FRAS1: variants seen among roughly 807,000 people sequenced by gnomAD.
The protein encoded by FRAS1 is extracellular matrix organizing protein FRAS1.
In FRAS1, 290 loss-of-function variants were observed where a neutral mutation model predicts 435.2. The observed-to-expected ratio is 0.67, with a 90% confidence interval of 0.61 to 0.73. FRAS1 has a LOEUF of 0.73. Ranked by LOEUF, FRAS1 falls within the 30% of genes least tolerant of loss-of-function variation. FRAS1 has a pLI of 0.00. For missense variants in FRAS1, 4,860 were observed against 5,001.5 expected (o/e 0.97, Z 0.85); for synonymous variants, 1,800 against 1,851.0 (o/e 0.97, Z 0.71).
chr4:78,094,377 AC>A (rs1220091459), intron 2 of FRAS1, among the ~76,000 whole-genome samples: 1 of 152,028 alleles, frequency 6.6e-6, no homozygotes, highest in Non-Finnish European at 1.5e-5. Context: ...CAGGCAACAT[AC>A]TTTTTATTCC....
rs781553234 is a variant in FRAS1, at chr4:78,364,043, A to G, written c.2711A>G (p.His904Arg). The G allele has an allele frequency of 3.8e-6, 6 of 1,588,654 alleles. No homozygotes were observed. The highest frequency in any genetic ancestry group is 5.1e-6 in the Non-Finnish European group (6 of 1,166,834). The stretch of plus-strand genomic sequence containing the variant: ...CCTGGGCACTATCTTGATGACAATC[A>G]TGTTTGCCAGCGTAGGTTTTTCCAA... ...CFPGHYLDDN[H>R]VCQPCNTHCG... The change falls in exon 22 of 74, where the codon CAT becomes CGT. Residue 904 changes from histidine to arginine, a missense_variant. Coordinates refer to ENST00000512123, the MANE Select transcript of FRAS1 (RefSeq NM_025074.7).
chr4:78,125,167 C>T (rs1719272132), intron 2 of FRAS1, among the ~76,000 whole-genome samples: 1 of 152,142 alleles, frequency 6.6e-6, no homozygotes, highest in Non-Finnish European at 1.5e-5. Context: ...TAAATGTGTC[C>T]TAGTGATTTT....
At chr4:78,265,594 T>C (rs1176644809) in intron 7 of FRAS1, among the ~76,000 whole-genome samples, 1 of 152,168 alleles carries the variant, frequency 6.6e-6, no homozygotes, top group Non-Finnish European at 1.5e-5. Flanking sequence ...TCAAAAGTAC[T>C]ATTGGATAGC....
intron 2 of FRAS1, among the ~76,000 whole-genome samples, chr4:78,233,187 G>C (rs1724589356): frequency 6.6e-6 from 1 of 152,318 alleles, no homozygotes; most frequent in Non-Finnish European, 1.5e-5. Flanking sequence ...GTTGCATCTG[G>C]AGAGAATAAA....
chr4:78,503,460 G>A (rs1720739160), intron 61 of FRAS1, among the ~76,000 whole-genome samples: 1 of 152,138 alleles, frequency 6.6e-6, no homozygotes, highest in African/African-American at 2.4e-5. Context: ...ATGTGTCCAG[G>A]AATTTATTCA....
intron 24 of FRAS1, among the ~76,000 whole-genome samples, chr4:78,373,446 CTAATAATAATAATAATAATAATAA>C (rs3086797): frequency 7.2e-6 from 1 of 138,914 alleles, no homozygotes; most frequent in Non-Finnish European, 1.5e-5. Flanking sequence ...GAGCCAAGGA[CTAATAATAATAATAATAATAATAA>C]TAATAATAAT....
rs1207117256 is a variant in FRAS1, at chr4:78,109,523, G to C, written c.108+43507G>C. ...CCACATGATTATCTCAATAGATGCA[G>C]AAAAAGCCTTTGACAAAATTCAACA... On this transcript the variant is annotated intron_variant, in intron 2 of 73. Transcript: ENST00000512123. 2.0e-5 allele frequency among the ~76,000 whole-genome samples: 3 copies of C among 148,460 alleles called. No homozygotes were observed. In the East Asian group the frequency reaches 5.9e-4, roughly 29 times the overall value.
Position 78,065,081 on chromosome 4 carries a change from T to TATATATATATACACACACAC in FRAS1, c.77-901_77-900insTATATATACACACACACATA, listed in dbSNP as rs762909923. On this transcript the variant is annotated intron_variant, in intron 1 of 73. Coordinates refer to ENST00000512123, the MANE Select transcript of FRAS1 (RefSeq NM_025074.7). Reference sequence around the variant, plus strand: ...GTGTATATATATATATATATATATATATACATACACACACACACACTAAAT... The same window carrying TATATATATATACACACACAC: ...GTGTATATATATATATATATATATATATATATATATACACACACACATACATACACACACACACACTAAAT... Among the ~76,000 whole-genome samples the TATATATATATACACACACAC allele has an allele frequency of 6.3e-3, 796 of 125,644 alleles. 6 individuals are homozygous for TATATATATATACACACACAC. Among genetic ancestry groups the TATATATATATACACACACAC allele is most frequent in the Middle Eastern group, 0.022 (5 of 228 alleles). The allele number at this position is 125,644 out of a possible 152,430, so 82.4% of individuals were successfully genotyped here.
intron 26 of FRAS1, 145 bp downstream of exon 26, chr4:78,376,024 G>A (rs1731747316): frequency 2.3e-6 from 2 of 877,032 alleles, no homozygotes; most frequent in Non-Finnish European, 3.6e-6. Context: ...AAGGAGTAAG[G>A]GACTCTTTAT....
At chr4:78,250,855 A>G (rs1023135650) in intron 4 of FRAS1, among the ~76,000 whole-genome samples, 2 of 152,202 alleles carry the variant, frequency 1.3e-5, no homozygotes, top group Non-Finnish European at 2.9e-5. Flanking sequence ...TAATTTTATA[A>G]TTAGTATTTT....
intron 2 of FRAS1, among the ~76,000 whole-genome samples, chr4:78,193,459 A>T (rs906791183): frequency 6.6e-6 from 1 of 152,150 alleles, no homozygotes; most frequent in Admixed American, 6.5e-5. Flanking sequence ...GTGCTCCTGT[A>T]TTGGGTTCAT....
chr4:78,061,447 G>T (rs186252376), intron 1 of FRAS1, among the ~76,000 whole-genome samples: 56 of 152,284 alleles, frequency 3.7e-4, no homozygotes, highest in Admixed American at 3.1e-3. Flanking sequence ...CATTGAATTG[G>T]AGGTTAAGAG....
Position 78,452,200 on chromosome 4 carries a change from C to T in FRAS1, c.6609C>T (p.Thr2203=). 1.2e-6 allele frequency: 2 copies of T among 1,613,684 alleles called. No homozygotes were observed. The highest frequency in any genetic ancestry group is 8.5e-7 in the Non-Finnish European group (1 of 1,179,660). ...AAGACAAATCCCCACCAGTCATCAC[C>T]ACCAATAAAGGACTGGTCTTGGATG... is the stretch of plus-strand genomic sequence containing the variant. ...ILEDKSPPVI[T]TNKGLVLDEN... is the part of the protein sequence containing the mutation. Residue 2203 remains threonine (T), a synonymous_variant, in exon 47 of 74, where the codon ACC becomes ACT. Coordinates refer to ENST00000512123, the MANE Select transcript of FRAS1 (RefSeq NM_025074.7).
intron 18 of FRAS1, among the ~76,000 whole-genome samples, chr4:78,327,904 T>A (rs1729782190): frequency 6.6e-6 from 1 of 152,202 alleles, no homozygotes; most frequent in Non-Finnish European, 1.5e-5. Context: ...TTAACACCTG[T>A]ACTTGCAGAA....
chr4:78,320,997 C>T (rs747277931), intron 18 of FRAS1, among the ~76,000 whole-genome samples: 3 of 152,158 alleles, frequency 2.0e-5, no homozygotes, highest in African/African-American at 4.8e-5. Flanking sequence ...GACCACTCAG[C>T]GCAGTTAGGT....
intron 55 of FRAS1, 60 bp from the exon 56 acceptor site, chr4:78,479,314 G>T: frequency 4.2e-6 from 5 of 1,184,468 alleles, no homozygotes; most frequent in Non-Finnish European, 5.7e-6. Flanking sequence ...CTTACCAGAG[G>T]TTTTAAAATC....
In FRAS1 at chr4:78,522,769, C is replaced by G; in HGVS notation, c.10769C>G (p.Ser3590Cys). Reference sequence around the variant, plus strand: ...TTATGGAGCGCTCAGACTTTTGATTCTCCACATCAACTCTGGAGAGCCACA... The same window carrying G: ...TTATGGAGCGCTCAGACTTTTGATTGTCCACATCAACTCTGGAGAGCCACA... The part of the protein sequence containing the change: ...QLLWSAQTFD[S>C]PHQLWRATSS... The change falls in exon 69 of 74, where the codon TCT (serine) becomes TGT (cysteine). Residue 3590 changes from serine to cysteine, a missense_variant. Physicochemically the swap from Ser to Cys is moderately radical, Grantham distance 112 (BLOSUM62 -1). Transcript: ENST00000512123. The G allele has an allele frequency of 6.2e-7, 1 of 1,612,066 alleles. No individual in the cohort carries two copies. Among genetic ancestry groups the G allele is most frequent in the Non-Finnish European group, 8.5e-7 (1 of 1,179,030 alleles).
chr4:78,479,633 G>C lies in FRAS1; in HGVS notation c.8358G>C (p.Ala2786=). The change falls in exon 56 of 74, where the codon GCG becomes GCC. Residue 2786 remains alanine (A), a synonymous_variant. Coordinates refer to ENST00000512123, the MANE Select transcript of FRAS1 (RefSeq NM_025074.7). Reference sequence around the variant, plus strand: ...ACAATGCCCGCATTGGAAGGGTGGCGACAGCCAAGGTGCTCATTAGTGGTC... The same window carrying C: ...ACAATGCCCGCATTGGAAGGGTGGCCACAGCCAAGGTGCTCATTAGTGGTC... ...ASDNARIGRV[A]TAKVLISGPN... The C allele has an allele frequency of 6.2e-7, 1 of 1,613,802 alleles. No homozygotes were observed. Among genetic ancestry groups the C allele is most frequent in the Non-Finnish European group, 8.5e-7 (1 of 1,179,754 alleles).
At chr4:78,367,157 C>A (rs1215605877) in intron 22 of FRAS1, among the ~76,000 whole-genome samples, 1 of 152,098 alleles carries the variant, frequency 6.6e-6, no homozygotes, top group Non-Finnish European at 1.5e-5. Context: ...GTAATCCCAC[C>A]ACTTAGGGAG....
Sources: allele counts gnomAD v4.1 joint callset (sites outside exome capture counted in the v4.1 genomes callset), GRCh38; gene constraint gnomAD v4.1.1; transcripts MANE v1.5; gene names NCBI Gene and HGNC (gene_info 2026-07-23, HGNC 2026-07-21).